THRAP3: variants seen among roughly 807,000 people sequenced by gnomAD.
The protein encoded by THRAP3 is thyroid hormone receptor-associated protein 3.
Under a neutral mutation model 101.0 loss-of-function variants are expected in THRAP3, and 16 were observed. That is an observed-to-expected ratio of 0.16 (90% CI 0.11 to 0.24). The LOEUF is 0.24. Among genes scored for constraint, THRAP3 ranks in the 10% least tolerant of loss-of-function variants. The pLI, the probability that THRAP3 is intolerant of heterozygous loss-of-function variation, is 1.00. For missense variants in THRAP3, 989 were observed against 1,202.7 expected (o/e 0.82, Z 2.63); for synonymous variants, 407 against 422.6 (o/e 0.96, Z 0.45).
chr1:36,259,508 A>G (rs1239398237), intron 2 of THRAP3, 24 bp downstream of exon 2: 3 of 398,472 alleles, frequency 7.5e-6, no homozygotes, highest in African/African-American at 6.2e-5. Context: ...GGTAAAAGAA[A>G]CTAATAACTT....
At chr1:36,251,761 C>T (rs1324460003) in intron 1 of THRAP3, among the ~76,000 whole-genome samples, 1 of 152,136 alleles carries the variant, frequency 6.6e-6, no homozygotes, top group Non-Finnish European at 1.5e-5. Context: ...CTCCTTTGTG[C>T]CAAGCACTTT....
At chr1:36,292,038 TGAG>T (rs1036628245) in intron 6 of THRAP3, among the ~76,000 whole-genome samples, 19 of 152,084 alleles carry the variant, frequency 1.2e-4, no homozygotes, top group Admixed American at 2.0e-4. Flanking sequence ...GCTGTGCTTC[TGAG>T]GAGAATAAGC....
chr1:36,249,715 T>TGTGTGTGTGTGTGTGG (rs1645275545), intron 1 of THRAP3, among the ~76,000 whole-genome samples: 1 of 150,660 alleles, frequency 6.6e-6, no homozygotes, highest in Non-Finnish European at 1.5e-5. Context: ...TGTGTGTGTG[T>TGTGTGTGTGTGTGTGG]GTGTGGTGGA....
Position 36,241,346 on chromosome 1 carries a change from G to A in THRAP3, c.-135+16841G>A, listed in dbSNP as rs937059851. ...GTGCCCTAATGAGAAAAAAAATTGT[G>A]CTGTATTTTTCTTCCCATTATCTGA... On this transcript the variant is annotated intron_variant, in intron 1 of 11. Coordinates refer to ENST00000354618, the MANE Select transcript of THRAP3 (RefSeq NM_005119.4). 4.1e-5 allele frequency among the ~76,000 whole-genome samples: 6 copies of A among 145,786 alleles called. No individual in the cohort carries two copies. The South Asian group carries it at 6.4e-4, about 16-fold the overall frequency.
chr1:36,303,288 T>A (rs1646053484), intron 11 of THRAP3, among the ~76,000 whole-genome samples: 2 of 152,080 alleles, frequency 1.3e-5, no homozygotes, highest in African/African-American at 4.8e-5. Flanking sequence ...CTTAGCTGCC[T>A]AACAACCCAG....
At chr1:36,279,446 A>G (rs1645704237) in intron 2 of THRAP3, among the ~76,000 whole-genome samples, 1 of 152,212 alleles carries the variant, frequency 6.6e-6, no homozygotes. Context: ...ATGTATTTTT[A>G]TTTTTAATAT....
chr1:36,239,868 CAT>C (rs1645134361), intron 1 of THRAP3, among the ~76,000 whole-genome samples: 3 of 152,142 alleles, frequency 2.0e-5, no homozygotes, highest in Non-Finnish European at 4.4e-5. Context: ...ATATGTATAA[CAT>C]AAAATTTTAT....
chr1:36,241,732 C>T (rs1389404541), intron 1 of THRAP3, among the ~76,000 whole-genome samples: 1 of 151,676 alleles, frequency 6.6e-6, no homozygotes, highest in Non-Finnish European at 1.5e-5. Context: ...GCACCCACCA[C>T]CATGCCTGGC....
At chr1:36,249,095 C>T (rs79762455) in intron 1 of THRAP3, among the ~76,000 whole-genome samples, 8,024 of 151,964 alleles carry the variant, frequency 0.053, 265 homozygotes, top group Middle Eastern at 0.17. Context: ...ACCATGTTAG[C>T]CAGGCTGGTC....
intron 2 of THRAP3, among the ~76,000 whole-genome samples, chr1:36,266,926 G>A (rs1475698450): frequency 6.6e-6 from 1 of 151,594 alleles, no homozygotes; most frequent in East Asian, 1.9e-4. Flanking sequence ...TGTTGGCCAG[G>A]CTGGAGTGCA....
Position 36,259,473 on chromosome 1 carries a change from T to C in THRAP3, c.-43T>C. On this transcript the variant is annotated 5_prime_UTR_variant, in exon 2 of 12. Transcript: ENST00000354618. ...TGGGATCCAGTACGAGTTGAATCAT[T>C]GTTCAAATAAGGTAAAAGCATGGTG... 2.5e-6 allele frequency: 1 copy of C among 398,616 alleles called. No individual in the cohort carries two copies. Among genetic ancestry groups the C allele is most frequent in the Non-Finnish European group, 4.4e-6 (1 of 226,050 alleles). 24.7% of individuals were successfully genotyped at this position (398,616 alleles called of 1,614,324 possible). A position where few individuals can be genotyped will look rare whatever the true frequency, so the allele number is the denominator to read the frequency against.
At chr1:36,252,943 TATATATATATATATATATATATATATAA>T (rs1017025373) in intron 1 of THRAP3, among the ~76,000 whole-genome samples, 39 of 113,314 alleles carry the variant, frequency 3.4e-4, no homozygotes, top group Non-Finnish European at 6.5e-4. Flanking sequence ...TATATATATA[TATATATATATATATATATATATATATAA>T]ATGTAAATAA....
chr1:36,244,437 G>A (rs4653170), intron 1 of THRAP3, among the ~76,000 whole-genome samples: 147,145 of 152,276 alleles, frequency 0.97, 71,326 homozygotes, highest in Middle Eastern at 1. Context: ...TGAGCAAACT[G>A]AAGTATCCAA....
At chr1:36,249,843 A>G (rs1645277892) in intron 1 of THRAP3, among the ~76,000 whole-genome samples, 1 of 152,014 alleles carries the variant, frequency 6.6e-6, no homozygotes, top group Non-Finnish European at 1.5e-5. Flanking sequence ...TTAAGGGTAG[A>G]AGCATAGGAG....
Position 36,291,562 on chromosome 1 carries a change from G to A in THRAP3, c.1918+16G>A. On this transcript the variant is annotated intron_variant, in intron 6 of 11. Transcript: ENST00000354618. ...CATGTTAAAGGTGAGTCCAGACCCTGGCCTGCTTCAGGCTCGTGTTCCACA... is the reference window on the plus strand; with the variant it reads ...CATGTTAAAGGTGAGTCCAGACCCTAGCCTGCTTCAGGCTCGTGTTCCACA... 1 of 1,610,468 alleles carries A rather than the reference G, an allele frequency of 6.2e-7. No homozygotes were observed. The highest frequency in any genetic ancestry group is 2.2e-5 in the East Asian group (1 of 44,814).
At position 36,240,881 on chromosome 1, in the gene THRAP3, A is replaced by AGT. The variant is rs1482072616; in HGVS notation, c.-135+16380_-135+16381dup. ...GTTTTTCACTAAGCAAAATAGGTAA[A>AGT]GTGTGCCATTTCTGTTTTTTCCTTC... On this transcript the variant is annotated intron_variant, in intron 1 of 11. Coordinates refer to ENST00000354618, the MANE Select transcript of THRAP3 (RefSeq NM_005119.4). Among the ~76,000 whole-genome samples, 4 of 152,180 alleles carry AGT rather than the reference A, an allele frequency of 2.6e-5. No homozygotes were observed. In the South Asian group the frequency reaches 6.2e-4, roughly 24 times the overall value.
intron 1 of THRAP3, among the ~76,000 whole-genome samples, chr1:36,246,154 A>T (rs1645228407): frequency 6.6e-6 from 1 of 152,110 alleles, no homozygotes; most frequent in Non-Finnish European, 1.5e-5. Context: ...ATCTTTGTCC[A>T]TTTTTTCATG....
At chr1:36,238,568 AT>A (rs1381476113) in intron 1 of THRAP3, among the ~76,000 whole-genome samples, 1 of 152,146 alleles carries the variant, frequency 6.6e-6, no homozygotes, top group East Asian at 1.9e-4. Context: ...TTTTGGGGCT[AT>A]GGTAGGCAGA....
intron 9 of THRAP3, among the ~76,000 whole-genome samples, chr1:36,296,977 G>T (rs528641063): frequency 6.6e-6 from 1 of 152,214 alleles, no homozygotes; most frequent in Admixed American, 6.5e-5. Flanking sequence ...GTCCAAAGAA[G>T]GCTTCATGAG....
Sources: allele counts gnomAD v4.1 joint callset (sites outside exome capture counted in the v4.1 genomes callset), GRCh38; gene constraint gnomAD v4.1.1; transcripts MANE v1.5; gene names NCBI Gene and HGNC (gene_info 2026-07-23, HGNC 2026-07-21).